Variants in MRPS18A observed in about 807,000 individuals in gnomAD.
The protein encoded by MRPS18A is large ribosomal subunit protein mL66.
A neutral mutation model predicts 22.7 loss-of-function variants in MRPS18A; 20 were observed. The observed-to-expected ratio is 0.88, with a 90% CI of 0.62 to 1.28. MRPS18A has a LOEUF of 1.28. Among genes scored for constraint, MRPS18A ranks in the 50% most tolerant of loss-of-function variants. MRPS18A has a pLI of 0.00. For missense variants in MRPS18A, 294 were observed against 262.6 expected (o/e 1.12, Z -0.83); for synonymous variants, 106 against 99.1 (o/e 1.07, Z -0.41).
chr6:43,687,572 G>C, intron 1 of MRPS18A, 96 bp downstream of exon 1: 1 of 1,129,064 alleles, frequency 8.9e-7, no homozygotes. Flanking sequence ...TTCAGAATCG[G>C]ACGAAGGAAA....
chr6:43,687,653 G>A lies in MRPS18A; in HGVS notation c.112+15C>T. 1 of 1,110,834 alleles carries A rather than the reference G, an allele frequency of 9.0e-7. No homozygotes were observed. The highest frequency in any genetic ancestry group is 1.3e-6 in the Non-Finnish European group (1 of 776,694). 68.8% of individuals were successfully genotyped at this position (1,110,834 alleles called of 1,614,324 possible). A position where few individuals can be genotyped will look rare whatever the true frequency, so the allele number is the denominator to read the frequency against. On this transcript the variant is annotated intron_variant, in intron 1 of 5. Coordinates refer to ENST00000372133, the MANE Select transcript of MRPS18A (RefSeq NM_018135.4). ...TCTTCTTAATTTCAGGAGGTTGCTG[G>A]GACGCATGACTCACCTTCCCTGAAC...
At chr6:43,672,053 C>T (rs1251238503) in intron 5 of MRPS18A, 147 bp from the exon 6 acceptor site, 2 of 971,238 alleles carry the variant, frequency 2.1e-6, no homozygotes, top group Non-Finnish European at 1.5e-6. Flanking sequence ...CAGGGATTTT[C>T]CTGGGAGTAA....
At position 43,679,649 on chromosome 6, in the gene MRPS18A, G is replaced by T. The variant is rs183131958; in HGVS notation, c.145-1024C>A. On this transcript the variant is annotated intron_variant, in intron 2 of 5. Coordinates refer to ENST00000372133, the MANE Select transcript of MRPS18A (RefSeq NM_018135.4). ...TGGGTTATGAGAGTGAGGCTGGGAC[G>T]GGTCTGAGAGGCTTTGGGAGGGAAG... is the stretch of plus-strand genomic sequence containing the variant. 8.1e-4 allele frequency among the ~76,000 whole-genome samples: 124 copies of T among 152,200 alleles called. No individual in the cohort carries two copies. In the East Asian group the frequency reaches 0.016, roughly 19 times the overall value.
intron 1 of MRPS18A, among the ~76,000 whole-genome samples, chr6:43,687,072 A>C (rs1774744476): frequency 6.6e-6 from 1 of 152,206 alleles, no homozygotes; most frequent in Admixed American, 6.5e-5. Context: ...GCATTCAGTA[A>C]ACTCTCAGTT....
chr6:43,672,075 C>T, intron 5 of MRPS18A, 169 bp from the exon 6 acceptor site: 2 of 801,008 alleles, frequency 2.5e-6, no homozygotes, highest in South Asian at 1.9e-5. Flanking sequence ...TGCTGAGCGT[C>T]CTGTAAACAG....
At chr6:43,683,778 GCTT>G (rs1231299677) in intron 1 of MRPS18A, among the ~76,000 whole-genome samples, 1 of 152,170 alleles carries the variant, frequency 6.6e-6, no homozygotes, top group Admixed American at 6.5e-5. Context: ...GGACTATACA[GCTT>G]CATTCTACCT....
chr6:43,676,516 G>A (rs1330615781), intron 3 of MRPS18A, among the ~76,000 whole-genome samples: 1 of 152,116 alleles, frequency 6.6e-6, no homozygotes, highest in Non-Finnish European at 1.5e-5. Context: ...ACCATCACAT[G>A]CCCACCAGGC....
chr6:43,680,279 G>A (rs1774324379), intron 2 of MRPS18A, among the ~76,000 whole-genome samples: 1 of 152,150 alleles, frequency 6.6e-6, no homozygotes, highest in African/African-American at 2.4e-5. Flanking sequence ...TTGAGGCTAA[G>A]TAGTGGAAAG....
intron 1 of MRPS18A, among the ~76,000 whole-genome samples, chr6:43,684,529 T>C (rs1774585920): frequency 6.6e-6 from 1 of 152,202 alleles, no homozygotes; most frequent in Admixed American, 6.5e-5. Flanking sequence ...CCCCCTTTCT[T>C]TCCCTTGGAC....
rs1309374434 is a variant in MRPS18A, at chr6:43,687,692, G to A, written c.88C>T (p.Leu30Phe). 5 of 1,579,834 alleles carry A rather than the reference G, an allele frequency of 3.2e-6. No homozygotes were observed. The highest frequency in any genetic ancestry group is 4.3e-6 in the Non-Finnish European group (5 of 1,162,830). ...AGPAATSWSR[L>F]PARGFREVVE... is the part of the protein sequence containing the mutation. ...CCTTCCCTGAACCCGCGAGCTGGAA[G>A]CCGAGACCAGCTGGTCGCTGCCGGG... The change falls in exon 1 of 6, where the codon CTT (leucine) becomes TTT (phenylalanine). Residue 30 changes from leucine to phenylalanine, a missense_variant. Leu to Phe is a conservative substitution (Grantham distance 22). Transcript: ENST00000372133.
chr6:43,679,688 TG>T (rs1241806670), intron 2 of MRPS18A, among the ~76,000 whole-genome samples: 1 of 152,122 alleles, frequency 6.6e-6, no homozygotes, highest in Non-Finnish European at 1.5e-5. Flanking sequence ...CACTGTCTCC[TG>T]GGGGAGAAGT....
chr6:43,681,275 C>T (rs1021935122), intron 1 of MRPS18A, among the ~76,000 whole-genome samples, 155 bp from the exon 2 acceptor site: 2 of 152,258 alleles, frequency 1.3e-5, no homozygotes, highest in Non-Finnish European at 2.9e-5. Context: ...GCAGGGTTCA[C>T]CCCACTAGTG....
intron 1 of MRPS18A, among the ~76,000 whole-genome samples, chr6:43,686,333 T>C (rs773345555): frequency 2.0e-5 from 3 of 151,462 alleles, no homozygotes; most frequent in Admixed American, 2.0e-4. Context: ...TGGGAACAAA[T>C]GAAACATCCA....
intron 2 of MRPS18A, 79 bp downstream of exon 2, chr6:43,681,010 C>CCCCT: frequency 1.4e-6 from 2 of 1,439,150 alleles, no homozygotes; most frequent in Non-Finnish European, 1.9e-6. Context: ...CCAGTTTGGG[C>CCCCT]CCCTCCCTCC....
chr6:43,686,141 A>C (rs999785779), intron 1 of MRPS18A, among the ~76,000 whole-genome samples: 1 of 152,262 alleles, frequency 6.6e-6, no homozygotes, highest in African/African-American at 2.4e-5. Flanking sequence ...AAAGGAAAAA[A>C]TTAAGTCTAA....
chr6:43,687,566 G>T (rs1353574310), intron 1 of MRPS18A, 102 bp downstream of exon 1: 2 of 1,077,308 alleles, frequency 1.9e-6, no homozygotes, highest in African/African-American at 1.6e-5. Flanking sequence ...CAAAGTTTCA[G>T]AATCGGACGA....
In MRPS18A at chr6:43,675,634, A is replaced by G. The variant is rs776660034; in HGVS notation, c.253-17T>C. On this transcript the variant is annotated splice_polypyrimidine_tract_variant and intron_variant, in intron 3 of 5. Transcript: ENST00000372133. Reference sequence around the variant, plus strand: ...CAGAACATCCTAGTGGAAACCGAAAATAGGGGATGAGGGTCAGCTGGGCTT... The same window carrying G: ...CAGAACATCCTAGTGGAAACCGAAAGTAGGGGATGAGGGTCAGCTGGGCTT... The G allele has an allele frequency of 1.4e-5, 22 of 1,593,858 alleles. No homozygotes were observed. Among genetic ancestry groups the G allele is most frequent in the Non-Finnish European group, 1.9e-5 (22 of 1,170,244 alleles).
At chr6:43,674,637 C>T (rs922823438) in intron 5 of MRPS18A, among the ~76,000 whole-genome samples, 2 of 152,206 alleles carry the variant, frequency 1.3e-5, no homozygotes, top group African/African-American at 2.4e-5. Flanking sequence ...AGAAGGCAGA[C>T]AAAGTGATTC....
At chr6:43,678,462 G>A in intron 3 of MRPS18A, 56 bp downstream of exon 3, 2 of 1,321,926 alleles carry the variant, frequency 1.5e-6, no homozygotes, top group Non-Finnish European at 2.2e-6. Flanking sequence ...CAGTTAACCA[G>A]GGAATCTGAG....
Sources: allele counts gnomAD v4.1 joint callset (sites outside exome capture counted in the v4.1 genomes callset), GRCh38; gene constraint gnomAD v4.1.1; transcripts MANE v1.5; gene names NCBI Gene and HGNC (gene_info 2026-07-23, HGNC 2026-07-21).